The following LAMC2 variants were observed in gnomAD, a reference collection of about 807,000 sequenced individuals.
LAMC2 encodes laminin subunit gamma 2, also known as laminin subunit gamma-2.
Under a neutral mutation model 140.2 loss-of-function variants are expected in LAMC2, and 97 were observed. That is an observed-to-expected ratio of 0.69 (90% CI 0.59 to 0.82). The LOEUF is 0.82. Among genes scored for constraint, LAMC2 ranks in the 40% least tolerant of loss-of-function variants. LAMC2 has a pLI of 0.00. For synonymous variants in LAMC2, 513 were observed against 540.2 expected (o/e 0.95, Z 0.70); for missense variants, 1,402 against 1,476.1 (o/e 0.95, Z 0.82).
intron 1 of LAMC2, among the ~76,000 whole-genome samples, chr1:183,207,096 G>A (rs1658909525): frequency 6.6e-6 from 1 of 152,182 alleles, no homozygotes; most frequent in African/African-American, 2.4e-5. Flanking sequence ...ATGTGCCCAA[G>A]GAAATAGCAG....
Position 183,228,762 on chromosome 1 carries a change from C to G in LAMC2, c.1714+143C>G. On this transcript the variant is annotated intron_variant, in intron 11 of 22. Transcript: ENST00000264144. This position sits in a 1 kb window ranked among gnomAD's most constrained non-coding sequence, Gnocchi z 4.3. ...CAAACTGGCCTGTGAGCACCCTGGGCCTTTCTTCCTCTGTCAAAGGCCTTA... is the reference window on the plus strand; with the variant it reads ...CAAACTGGCCTGTGAGCACCCTGGGGCTTTCTTCCTCTGTCAAAGGCCTTA... The G allele has an allele frequency of 9.0e-7, 1 of 1,112,696 alleles. No homozygotes were observed. Among genetic ancestry groups the G allele is most frequent in the East Asian group, 2.4e-5 (1 of 41,486 alleles). 68.9% of individuals were successfully genotyped at this position (1,112,696 alleles called of 1,614,324 possible).
chr1:183,239,243 C>T, intron 19 of LAMC2, 121 bp from the exon 20 acceptor site: 1 of 906,460 alleles, frequency 1.1e-6, no homozygotes, highest in South Asian at 1.3e-5. Flanking sequence ...ACTTCCCACA[C>T]CGTCATCCCC....
Position 183,228,653 on chromosome 1 carries a change from C to T in LAMC2, c.1714+34C>T, listed in dbSNP as rs559765458. ...CCACCCCAGGCAGGCTGTGTCTGTG[C>T]GTGCCTGTGTACGTATGCACTTGCT... On this transcript the variant is annotated intron_variant, in intron 11 of 22. Transcript: ENST00000264144. This position sits in a 1 kb window ranked among gnomAD's most constrained non-coding sequence, Gnocchi z 4.3. 22 of 1,612,540 alleles carry T rather than the reference C, an allele frequency of 1.4e-5. No individual in the cohort carries two copies. The highest frequency in any genetic ancestry group is 1.1e-4 in the South Asian group (10 of 91,028).
rs570107671 is a variant in LAMC2 at position 183,220,226 on chromosome 1, G to A, written c.504-599G>A. 4.6e-5 allele frequency among the ~76,000 whole-genome samples: 7 copies of A among 152,312 alleles called. No homozygotes were observed. The East Asian group carries it at 1.4e-3, about 29-fold the overall frequency. ...CACTGGAGGGATTGAGCTGGGAGCA[G>A]AGGTGGAATGCAAGCTTACACCTGG... is the stretch of plus-strand genomic sequence containing the variant. On this transcript the variant is annotated intron_variant, in intron 4 of 22. Coordinates refer to ENST00000264144, the MANE Select transcript of LAMC2 (RefSeq NM_005562.3).
chr1:183,232,750 G>A lies in LAMC2; in HGVS notation c.2113G>A (p.Val705Ile), dbSNP rs527279162. Reference sequence around the variant, plus strand: ...TGACCTCAAGATGACTGTGGAAAGAGTTCGGGCTCTGGGAAGTCAGTACCA... The same window carrying A: ...TGACCTCAAGATGACTGTGGAAAGAATTCGGGCTCTGGGAAGTCAGTACCA... ...LDDLKMTVERVRALGSQYQNR... is the reference protein window; with the variant it reads ...LDDLKMTVERIRALGSQYQNR... The change falls in exon 14 of 23, where the codon GTT becomes ATT. Residue 705 changes from valine (V) to isoleucine (I), a missense_variant. Physicochemically the swap from Val to Ile is conservative, Grantham distance 29. Around this residue, in one of 3 missense-constraint regions of LAMC2, gnomAD observed 670 missense variants for 667.2 expected, o/e 1.00. Transcript: ENST00000264144. 74 of 1,614,050 alleles carry A rather than the reference G, an allele frequency of 4.6e-5. No individual in the cohort carries two copies. Among genetic ancestry groups the A allele is most frequent in the Admixed American group, 1.2e-4 (7 of 60,012 alleles).
chr1:183,247,883 C>G (rs1660271486), downstream of LAMC2, among the ~76,000 whole-genome samples: 1 of 152,190 alleles, frequency 6.6e-6, no homozygotes, highest in South Asian at 2.1e-4. Context: ...AAAAGTTGTT[C>G]AAGTTTTTCA....
rs761164637 is a variant in LAMC2 at position 183,240,189 on chromosome 1, A to G, written c.3219A>G (p.Ala1073=). 6 of 1,614,132 alleles carry G rather than the reference A, an allele frequency of 3.7e-6. No individual in the cohort carries two copies. In the African/African-American group the frequency reaches 8.0e-5, roughly 22 times the overall value. Residue 1073 remains alanine, a synonymous_variant, in exon 21 of 23, where the codon GCA becomes GCG. Coordinates refer to ENST00000264144, the MANE Select transcript of LAMC2 (RefSeq NM_005562.3). ...KELEFDTNMD[A]VQMVITEAQK... is the part of the protein sequence containing the mutation. The stretch of plus-strand genomic sequence containing the variant: ...TGGAGTTTGACACGAATATGGATGC[A>G]GTACAGATGGTGAGTTCCTGTTGCT...
chr1:183,227,392 G>C, intron 9 of LAMC2, 123 bp from the exon 10 acceptor site: 1 of 964,198 alleles, frequency 1.0e-6, no homozygotes, highest in Non-Finnish European at 1.7e-6. Context: ...CCAGTGCTCA[G>C]GCACTTTGGG....
chr1:183,236,231 A>C (rs1030284609), intron 16 of LAMC2, among the ~76,000 whole-genome samples: 1 of 151,876 alleles, frequency 6.6e-6, no homozygotes, highest in Non-Finnish European at 1.5e-5. Context: ...TTTTGTTAAA[A>C]AAAAAGGGGG....
Position 183,223,199 on chromosome 1 carries a change from C to T in LAMC2, c.828C>T (p.Asp276=). 1 of 1,614,174 alleles carries T rather than the reference C, an allele frequency of 6.2e-7. No individual in the cohort carries two copies. The highest frequency in any genetic ancestry group is 8.5e-7 in the Non-Finnish European group (1 of 1,180,028). ...GQSLSFDYRV[D]RGGRHPSAHD... is the part of the protein sequence containing the mutation. The stretch of plus-strand genomic sequence containing the variant: ...GCCTGTCCTTTGACTACCGTGTGGA[C>T]AGAGGAGGCAGACACCCATCTGCCC... The change falls in exon 7 of 23, where the codon GAC becomes GAT. Residue 276 remains aspartate, a synonymous_variant. Coordinates refer to ENST00000264144, the MANE Select transcript of LAMC2 (RefSeq NM_005562.3).
chr1:183,252,847 C>T, the LAMC2 span: 2 of 806,920 alleles, frequency 2.5e-6, no homozygotes, highest in Admixed American at 2.0e-5. Flanking sequence ...AGCCTTTTCT[C>T]AGGTTGAGTA....
intron 11 of LAMC2, among the ~76,000 whole-genome samples, chr1:183,229,308 A>G (rs1659731751): frequency 6.6e-6 from 1 of 152,012 alleles, no homozygotes. Flanking sequence ...GGTGCCCAGA[A>G]CTCAGGAGTT....
chr1:183,226,709 A>G lies in LAMC2; in HGVS notation c.1078A>G (p.Ile360Val), dbSNP rs760197610. The change falls in exon 9 of 23, where the codon ATT becomes GTT. Residue 360 changes from isoleucine (I) to valine (V), a missense_variant. This residue lies in a region of LAMC2 where 723 missense variants were observed against 783.3 expected (regional missense o/e 0.92). Coordinates refer to ENST00000264144, the MANE Select transcript of LAMC2 (RefSeq NM_005562.3). ...TCTCTCGATTGCAGGTACTGGGTAC[A>G]TTGACAATGTGACCCTGATTTCAGC... ...ATYGEYSTGY[I>V]DNVTLISARP... The G allele has an allele frequency of 1.7e-5, 28 of 1,614,208 alleles. No individual in the cohort carries two copies. The highest frequency in any genetic ancestry group is 2.3e-5 in the Non-Finnish European group (27 of 1,180,014).
intron 6 of LAMC2, 21 bp from the exon 7 acceptor site, chr1:183,223,113 CT>C: frequency 6.2e-7 from 1 of 1,611,932 alleles, no homozygotes; most frequent in Non-Finnish European, 8.5e-7. Flanking sequence ...TGATCTCAAT[CT>C]TTTAAAACTC....
the LAMC2 span, among the ~76,000 whole-genome samples, chr1:183,255,248 G>T: frequency 6.6e-6 from 1 of 152,074 alleles, no homozygotes; most frequent in Non-Finnish European, 1.5e-5. Flanking sequence ...TTATTTCTGG[G>T]CTCACTATTC....
chr1:183,199,413 C>T lies in LAMC2; in HGVS notation c.80-8468C>T, dbSNP rs568285947. Among the ~76,000 whole-genome samples the T allele has an allele frequency of 3.2e-3, 483 of 151,752 alleles. 2 individuals carry two copies. Among genetic ancestry groups the T allele is most frequent in the African/African-American group, 0.011 (459 of 41,404 alleles). Reference sequence around the variant, plus strand: ...TAGAGTCAGACTGCCTATATTCCTTCCTTCCTTTCTCCTTCCTTCCTTCCT... The same window carrying T: ...TAGAGTCAGACTGCCTATATTCCTTTCTTCCTTTCTCCTTCCTTCCTTCCT... On this transcript the variant is annotated intron_variant, in intron 1 of 22. Transcript: ENST00000264144.
At chr1:183,222,634 T>A (rs1473611844) in intron 6 of LAMC2, among the ~76,000 whole-genome samples, 1 of 152,100 alleles carries the variant, frequency 6.6e-6, no homozygotes, top group Non-Finnish European at 1.5e-5. Flanking sequence ...GGAAAAGCGC[T>A]GGCTAGAATT....
At chr1:183,240,732 G>C in intron 22 of LAMC2, 1 of 1,176,936 alleles carries the variant, frequency 8.5e-7, no homozygotes, top group Non-Finnish European at 1.1e-6. Flanking sequence ...CCAGTGGACA[G>C]TTTTAAGCAG....
At chr1:183,254,286 G>A in the LAMC2 span, among the ~76,000 whole-genome samples, 1 of 152,068 alleles carries the variant, frequency 6.6e-6, no homozygotes, top group Non-Finnish European at 1.5e-5. Context: ...ATTCTAATAG[G>A]TGTGAGGTAG....
Sources: gnomAD v4.1 joint callset for allele counts (sites outside exome capture counted in the v4.1 genomes callset) on GRCh38, gnomAD v4.1.1 for gene constraint, gnomAD v4.1.1 regional missense constraint, Gnocchi (gnomAD v3.1) non-coding constraint, MANE v1.5 for transcripts, NCBI Gene and HGNC (gene_info 2026-07-23, HGNC 2026-07-21) for gene names.